FANCL: variants seen among roughly 807,000 people sequenced by gnomAD.
The protein encoded by FANCL is E3 ubiquitin-protein ligase FANCL.
In FANCL, 69 loss-of-function variants were observed where a neutral mutation model predicts 59.4. The ratio of observed to expected loss-of-function variants is 1.16; its 90% CI spans 0.96 to 1.42. The LOEUF is 1.42. FANCL is among the 40% of genes most tolerant of loss of function. FANCL has a pLI of 0.00. For synonymous variants in FANCL, 180 were observed against 147.1 expected (o/e 1.22, Z -1.62); for missense variants, 519 against 447.2 (o/e 1.16, Z -1.45).
intron 7 of FANCL, among the ~76,000 whole-genome samples, chr2:58,178,799 T>C (rs907500148): frequency 1.3e-5 from 2 of 152,204 alleles, no homozygotes; most frequent in Non-Finnish European, 2.9e-5. Context: ...ATTGTCTCTG[T>C]TTGCAGATGA....
intron 7 of FANCL, among the ~76,000 whole-genome samples, chr2:58,189,346 A>G (rs1452772276): frequency 6.6e-6 from 1 of 152,058 alleles, no homozygotes; most frequent in Non-Finnish European, 1.5e-5. Context: ...GATGTGTAGA[A>G]ACTAACAGCT....
chr2:58,218,452 G>A (rs1692067469), intron 5 of FANCL, among the ~76,000 whole-genome samples: 1 of 151,836 alleles, frequency 6.6e-6, no homozygotes, highest in Non-Finnish European at 1.5e-5. Flanking sequence ...AAAGAAAAAG[G>A]CAGCATCACT....
Position 58,232,068 on chromosome 2 carries a change from T to C in FANCL, c.141A>G (p.Gln47=), listed in dbSNP as rs1310859040. Residue 47 remains glutamine (Q), a synonymous_variant, in exon 2 of 14, where the codon CAA becomes CAG. Transcript: ENST00000233741. ...CACCATATCACCTTGCATTCTTCAG[T>C]TGTAAATCTTCAGGCAACACTATCC... The part of the protein sequence containing the change: ...HLRIVLPEDL[Q]LKNARLLCSW... The C allele has an allele frequency of 3.1e-6, 5 of 1,613,366 alleles. No individual in the cohort carries two copies. Among genetic ancestry groups the C allele is most frequent in the Middle Eastern group, 3.3e-4 (2 of 6,056 alleles).
intron 5 of FANCL, among the ~76,000 whole-genome samples, chr2:58,215,900 G>GA (rs1558804472): frequency 2.0e-5 from 3 of 151,678 alleles, no homozygotes; most frequent in African/African-American, 7.3e-5. Context: ...GAAAGGCAAT[G>GA]AAAAACAAGA....
chr2:58,200,506 G>A (rs1689890193), intron 6 of FANCL, among the ~76,000 whole-genome samples: 1 of 152,012 alleles, frequency 6.6e-6, no homozygotes, highest in South Asian at 2.1e-4. Flanking sequence ...ATTTATCTTA[G>A]TGATGCTGAC....
intron 7 of FANCL, among the ~76,000 whole-genome samples, chr2:58,169,738 C>G (rs947773243): frequency 2.0e-5 from 3 of 151,824 alleles, no homozygotes; most frequent in Admixed American, 6.6e-5. Context: ...AAACACAGCA[C>G]GAGAACTTTG....
intron 7 of FANCL, among the ~76,000 whole-genome samples, chr2:58,187,768 G>A (rs746936184): frequency 9.9e-5 from 15 of 152,170 alleles, no homozygotes; most frequent in Non-Finnish European, 2.2e-4. Flanking sequence ...AATCTAGAAC[G>A]TGTGTATACA....
At chr2:58,239,973 T>C (rs1340174875) in intron 1 of FANCL, among the ~76,000 whole-genome samples, 1 of 152,206 alleles carries the variant, frequency 6.6e-6, no homozygotes, top group Non-Finnish European at 1.5e-5. Context: ...ATTGGAATTC[T>C]AGCTATAGCA....
chr2:58,210,161 T>A (rs1375752497), intron 5 of FANCL, among the ~76,000 whole-genome samples: 2 of 152,130 alleles, frequency 1.3e-5, no homozygotes, highest in East Asian at 3.9e-4. Flanking sequence ...TCTTATAAAG[T>A]GTATTAGTCT....
At chr2:58,199,024 A>C (rs959194698) in intron 6 of FANCL, among the ~76,000 whole-genome samples, 3 of 146,362 alleles carry the variant, frequency 2.0e-5, no homozygotes, top group African/African-American at 7.7e-5. Context: ...GTGAATCTCC[A>C]TCTCAAAAAA....
At chr2:58,235,878 C>A (rs1309937224) in intron 1 of FANCL, among the ~76,000 whole-genome samples, 1 of 151,682 alleles carries the variant, frequency 6.6e-6, no homozygotes, top group Admixed American at 6.6e-5. Flanking sequence ...GTATCAACAG[C>A]AGATTCCACC....
At chr2:58,212,722 G>C (rs1005925942) in intron 5 of FANCL, among the ~76,000 whole-genome samples, 2 of 152,066 alleles carry the variant, frequency 1.3e-5, no homozygotes, top group Admixed American at 6.6e-5. Flanking sequence ...ACATCATTTT[G>C]TATCACTTAC....
intron 2 of FANCL, 145 bp from the exon 3 acceptor site, chr2:58,230,019 T>C: frequency 1.6e-6 from 1 of 641,524 alleles, no homozygotes; most frequent in East Asian, 2.8e-5. Context: ...CTGATACTGT[T>C]CAAAGTCTTG....
At chr2:58,219,797 T>G (rs563550275) in intron 5 of FANCL, among the ~76,000 whole-genome samples, 4 of 152,266 alleles carry the variant, frequency 2.6e-5, no homozygotes, top group African/African-American at 9.6e-5. Context: ...CATTATTCAT[T>G]AAGTGGCAGG....
intron 2 of FANCL, among the ~76,000 whole-genome samples, chr2:58,230,233 T>A (rs374424645): frequency 9.9e-5 from 15 of 152,256 alleles, no homozygotes; most frequent in African/African-American, 3.6e-4. Flanking sequence ...ATCAAACATG[T>A]ATTTGAAAAA....
At position 58,217,129 on chromosome 2, in the gene FANCL, A is replaced by T. The variant is rs1013968180; in HGVS notation, c.374+4813T>A. On this transcript the variant is annotated intron_variant, in intron 5 of 13. Coordinates refer to ENST00000233741, the MANE Select transcript of FANCL (RefSeq NM_018062.4). ...ACACACACACATTACATATATATAT[A>T]TTTTTATATATAGATTTATATATAT... is the stretch of plus-strand genomic sequence containing the variant. 1.2e-4 allele frequency among the ~76,000 whole-genome samples: 14 copies of T among 113,228 alleles called. No individual in the cohort carries two copies. In the South Asian group the frequency reaches 1.6e-3, roughly 13 times the overall value. 74.3% of individuals were successfully genotyped at this position (113,228 alleles called of 152,430 possible). A position where few individuals can be genotyped will look rare whatever the true frequency, so the allele number is the denominator to read the frequency against.
intron 5 of FANCL, among the ~76,000 whole-genome samples, chr2:58,219,160 AAAAAAAAAAAAATATATAT>A (rs1445834273): frequency 4.4e-4 from 43 of 97,358 alleles, no homozygotes; most frequent in Middle Eastern, 4.4e-3. Context: ...AAAAAAAAAA[AAAAAAAAAAAAATATATAT>A]ATATATATAT....
At chr2:58,180,698 A>C (rs1458046877) in intron 7 of FANCL, among the ~76,000 whole-genome samples, 1 of 152,124 alleles carries the variant, frequency 6.6e-6, no homozygotes. Flanking sequence ...CCAGAACTTA[A>C]AACATAATTA....
intron 6 of FANCL, 64 bp from the exon 7 acceptor site, chr2:58,198,726 T>C: frequency 7.7e-7 from 1 of 1,303,042 alleles, no homozygotes; most frequent in South Asian, 1.2e-5. Context: ...TGAGGTATTT[T>C]AGAAAAACTA....
Sources: allele counts gnomAD v4.1 joint callset (sites outside exome capture counted in the v4.1 genomes callset), GRCh38; gene constraint gnomAD v4.1.1; transcripts MANE v1.5; gene names NCBI Gene and HGNC (gene_info 2026-07-23, HGNC 2026-07-21).